The following AFF1 variants were observed in gnomAD, a reference collection of about 807,000 sequenced individuals.
AFF1 encodes the protein AF4/FMR2 family member 1.
Under a neutral mutation model 121.7 loss-of-function variants are expected in AFF1, and 48 were observed. The observed-to-expected ratio is 0.39, with a 90% confidence interval of 0.31 to 0.50. The LOEUF (loss-of-function observed/expected upper bound fraction) is 0.50, where lower values mean the gene tolerates loss of function less well. AFF1 is among the 20% of genes least tolerant of loss of function. The pLI is 0.76. For synonymous variants in AFF1, 613 were observed against 563.0 expected, an observed-to-expected ratio of 1.09 and a Z score of -1.26; for missense variants, 1,523 against 1,511.7, an observed-to-expected ratio of 1.01 and a Z score of -0.12.
intron 2 of AFF1, among the ~76,000 whole-genome samples, chr4:87,019,273 C>T (rs1460208955): frequency 6.6e-6 from 1 of 152,272 alleles, no homozygotes; most frequent in East Asian, 1.9e-4. Context: ...GCCCATAACT[C>T]CCACAGTCCT....
At chr4:86,968,377 T>C (rs1722681006) in intron 2 of AFF1, among the ~76,000 whole-genome samples, 2 of 152,330 alleles carry the variant, frequency 1.3e-5, no homozygotes, top group East Asian at 1.9e-4. Context: ...GAAATGGTTA[T>C]GTCTTCTTAG....
In AFF1 at chr4:87,047,146, A is replaced by C; in HGVS notation, c.611A>C (p.Glu204Ala). The change falls in exon 4 of 21, where the codon GAG becomes GCG. Residue 204 changes from glutamate to alanine, a missense_variant. This residue lies in a region of AFF1 where 369 missense variants were observed against 367.2 expected (regional missense o/e 1.00). Coordinates refer to ENST00000395146, the MANE Select transcript of AFF1 (RefSeq NM_001166693.3). ...GTGACAGATTCGGCTCCAGAGAGGG[A>C]GCTTTCTCCCTTAATCTCTTTGCCT... is the stretch of plus-strand genomic sequence containing the variant. The part of the protein sequence containing the change: ...ASVTDSAPER[E>A]LSPLISLPSP... 1 of 1,614,130 alleles carries C rather than the reference A, an allele frequency of 6.2e-7. No individual in the cohort carries two copies. The highest frequency in any genetic ancestry group is 1.3e-5 in the African/African-American group (1 of 75,024).
intron 10 of AFF1, 132 bp downstream of exon 10, chr4:87,105,977 A>G (rs1166330210): frequency 4.0e-5 from 46 of 1,153,728 alleles, no homozygotes; most frequent in Non-Finnish European, 5.5e-5. Flanking sequence ...GTAAAAGGAA[A>G]GTACCTGTTT....
At chr4:86,990,105 C>T (rs1179980066) in intron 2 of AFF1, among the ~76,000 whole-genome samples, 1 of 152,044 alleles carries the variant, frequency 6.6e-6, no homozygotes, top group African/African-American at 2.4e-5. Context: ...CAGCAAACAA[C>T]CTTAGCACAT....
intron 2 of AFF1, among the ~76,000 whole-genome samples, chr4:86,979,378 G>A (rs1723554642): frequency 1.3e-5 from 2 of 152,034 alleles, no homozygotes; most frequent in Non-Finnish European, 2.9e-5. Context: ...GGATTACAGG[G>A]ATGAGCCACT....
intron 1 of AFF1, among the ~76,000 whole-genome samples, chr4:86,944,303 C>T (rs996026831): frequency 3.3e-5 from 5 of 151,980 alleles, no homozygotes; most frequent in South Asian, 2.1e-4. Context: ...ATGTCCCCGA[C>T]GACAATCCCA....
chr4:87,002,204 T>G, intron 2 of AFF1, among the ~76,000 whole-genome samples: 1 of 151,066 alleles, frequency 6.6e-6, no homozygotes, highest in Non-Finnish European at 1.5e-5. Flanking sequence ...GTGATCCCCC[T>G]GCCTTAGCCT....
chr4:87,001,207 C>CTTTTTTTTTTTTTTTTTTT (rs34072831), intron 2 of AFF1, among the ~76,000 whole-genome samples: 1 of 60,298 alleles, frequency 1.7e-5, no homozygotes, highest in African/African-American at 5.6e-5. Context: ...CCTTTTTCTA[C>CTTTTTTTTTTTTTTTTTTT]TTTTTTTTTT....
At chr4:87,007,842 C>T (rs1284924433) in intron 2 of AFF1, among the ~76,000 whole-genome samples, 1 of 152,084 alleles carries the variant, frequency 6.6e-6, no homozygotes, top group Middle Eastern at 3.2e-3. Context: ...CATAGTTCAC[C>T]TTGGAGAGGG....
intron 2 of AFF1, among the ~76,000 whole-genome samples, chr4:86,958,127 C>G (rs1458424602): frequency 1.2e-5 from 1 of 82,052 alleles, no homozygotes; most frequent in African/African-American, 4.8e-5. Flanking sequence ...GAGTTTCACT[C>G]TTGTTGCCCA....
rs1308944796 is a variant in AFF1, at chr4:87,083,996, T to G, written c.1060-124T>G. 4 of 845,664 alleles carry G rather than the reference T, an allele frequency of 4.7e-6. No homozygotes were observed. The Admixed American group carries it at 7.8e-5, about 17-fold the overall frequency. The allele number at this position is 845,664 out of a possible 1,614,324, so 52.4% of individuals were successfully genotyped here. ...GCCCAGGCTTCAAATGTAAAGTTCT[T>G]AATACTTAGCTAGTAGAAGGTAAGC... On this transcript the variant is annotated intron_variant, in intron 4 of 20. Transcript: ENST00000395146.
chr4:87,116,848 A>G (rs887290768), intron 12 of AFF1, among the ~76,000 whole-genome samples: 23 of 148,228 alleles, frequency 1.6e-4, no homozygotes, highest in African/African-American at 3.4e-4. Flanking sequence ...GTGTGTGTGT[A>G]TGTGTGTGAA....
intron 4 of AFF1, among the ~76,000 whole-genome samples, chr4:87,061,777 C>T (rs1160633543): frequency 6.6e-6 from 1 of 151,916 alleles, no homozygotes; most frequent in Non-Finnish European, 1.5e-5. Flanking sequence ...TTGAGCAGAC[C>T]CAAGACATGA....
At chr4:87,079,443 T>C (rs1481997704) in intron 4 of AFF1, among the ~76,000 whole-genome samples, 2 of 152,230 alleles carry the variant, frequency 1.3e-5, no homozygotes, top group Non-Finnish European at 2.9e-5. Context: ...TCCGAAGCAC[T>C]GGTAGTAGGA....
chr4:86,954,085 C>A (rs962453358), intron 2 of AFF1, among the ~76,000 whole-genome samples: 6 of 152,208 alleles, frequency 3.9e-5, no homozygotes, highest in Non-Finnish European at 5.9e-5. Context: ...TCTCCTTTCC[C>A]CTTTCAGCTA....
intron 2 of AFF1, among the ~76,000 whole-genome samples, chr4:87,045,375 G>A (rs1433075462): frequency 1.3e-5 from 2 of 151,514 alleles, no homozygotes; most frequent in Admixed American, 6.6e-5. Flanking sequence ...AATGAGGCAG[G>A]TCCACTTTTG....
Position 87,115,270 on chromosome 4 carries a change from A to G in AFF1, c.2437A>G (p.Ser813Gly). The change falls in exon 12 of 21, where the codon AGC (serine) becomes GGC (glycine). Residue 813 changes from serine (S) to glycine (G), a missense_variant. By Grantham distance (56) the Ser-to-Gly change is moderately conservative. Transcript: ENST00000395146. ...CAGCTCTGAGAAGAGGAGCTCAGAC[A>G]GCTCAAGCAAGTTGGCCAAAAAGAG... is the stretch of plus-strand genomic sequence containing the variant. Reference protein sequence around the residue: ...KHSSEKRSSDSSSKLAKKRKG... With the variant: ...KHSSEKRSSDGSSKLAKKRKG... 1 of 1,609,608 alleles carries G rather than the reference A, an allele frequency of 6.2e-7. No homozygotes were observed. The highest frequency in any genetic ancestry group is 2.2e-5 in the East Asian group (1 of 44,680).
chr4:87,006,257 T>TC (rs1398495039), intron 2 of AFF1, among the ~76,000 whole-genome samples: 1 of 152,212 alleles, frequency 6.6e-6, no homozygotes, highest in Non-Finnish European at 1.5e-5. Flanking sequence ...GGTGTGCTGG[T>TC]CCCTATGAGA....
chr4:87,042,551 A>G (rs1049772797), intron 2 of AFF1, among the ~76,000 whole-genome samples: 4 of 152,232 alleles, frequency 2.6e-5, no homozygotes, highest in African/African-American at 9.6e-5. Context: ...TACCAGTGAT[A>G]TCCATGATGT....
Sources: gnomAD v4.1 joint callset for allele counts (sites outside exome capture counted in the v4.1 genomes callset) on GRCh38, gnomAD v4.1.1 for gene constraint, gnomAD v4.1.1 regional missense constraint, MANE v1.5 for transcripts, NCBI Gene and HGNC (gene_info 2026-07-23, HGNC 2026-07-21) for gene names.